The following HEXA variants were observed in gnomAD, a reference collection of about 807,000 sequenced individuals.
HEXA encodes the protein beta-hexosaminidase subunit alpha.
Under a neutral mutation model 73.3 loss-of-function variants are expected in HEXA, and 54 were observed. That is an observed-to-expected ratio of 0.74 (90% CI 0.59 to 0.92). HEXA has a LOEUF of 0.92. HEXA is among the 40% of genes least tolerant of loss of function. The pLI, the probability that HEXA is intolerant of heterozygous loss-of-function variation, is 0.00. For missense variants in HEXA, 649 were observed against 653.0 expected (o/e 0.99, Z 0.07); for synonymous variants, 230 against 246.9 (o/e 0.93, Z 0.64).
chr15:72,367,626 A>C (rs2088935112), intron 1 of HEXA, among the ~76,000 whole-genome samples: 1 of 152,194 alleles, frequency 6.6e-6, no homozygotes, highest in East Asian at 1.9e-4. Flanking sequence ...TGACCTTAGG[A>C]TAAAGCTCCA....
Position 72,350,397 on chromosome 15 carries a change from C to T in HEXA, c.805+121G>A, listed in dbSNP as rs189331330. 17 of 1,055,322 alleles carry T rather than the reference C, an allele frequency of 1.6e-5. No homozygotes were observed. In the East Asian group the frequency reaches 2.8e-4, roughly 18 times the overall value. The allele number at this position is 1,055,322 out of a possible 1,614,324, so 65.4% of individuals were successfully genotyped here. A position where few individuals can be genotyped will look rare whatever the true frequency, so the allele number is the denominator to read the frequency against. The stretch of plus-strand genomic sequence containing the variant: ...ATCTAAATTCCCAGGTGGAAGAAGT[C>T]GATGGAAAACATTCTTCTAAGGACC... On this transcript the variant is annotated intron_variant, in intron 7 of 13. Transcript: ENST00000268097.
chr15:72,356,219 G>T (rs1436527097), intron 2 of HEXA, among the ~76,000 whole-genome samples: 1 of 152,118 alleles, frequency 6.6e-6, no homozygotes, highest in South Asian at 2.1e-4. Flanking sequence ...CCAGTGTAGG[G>T]TCTATTAGAG....
chr15:72,365,530 T>C (rs2088905432), intron 1 of HEXA, among the ~76,000 whole-genome samples: 2 of 152,240 alleles, frequency 1.3e-5, no homozygotes, highest in African/African-American at 4.8e-5. Flanking sequence ...TATGACTCTT[T>C]TCCTTTACGG....
chr15:72,363,492 G>C (rs897081669), intron 1 of HEXA, among the ~76,000 whole-genome samples: 14 of 152,330 alleles, frequency 9.2e-5, no homozygotes, highest in African/African-American at 2.9e-4. Flanking sequence ...GTAGCTAGGA[G>C]AGAAGTCAAG....
chr15:72,345,760 TC>T, intron 12 of HEXA: 1 of 658,208 alleles, frequency 1.5e-6, no homozygotes, highest in Non-Finnish European at 2.7e-6. Context: ...TGGGTAGCAA[TC>T]CCACTCTCTT....
rs960869164 is a variant in HEXA, at chr15:72,347,687, T to C, written c.1145A>G (p.Lys382Arg). 1 of 1,613,846 alleles carries C rather than the reference T, an allele frequency of 6.2e-7. No individual in the cohort carries two copies. Among genetic ancestry groups the C allele is most frequent in the South Asian group, 1.1e-5 (1 of 91,078 alleles). Reference sequence around the variant, plus strand: ...CTTCTCTTCTCTGCCCCGGCTCACCTTTACTTTATTATCAAACACCTCCTG... The same window carrying C: ...CTTCTCTTCTCTGCCCCGGCTCACCCTTACTTTATTATCAAACACCTCCTG... ...VWQEVFDNKV[K>R]IQPDTIIQVW... The change falls in exon 10 of 14, where the codon AAG becomes AGG. Residue 382 changes from lysine (K) to arginine (R), a missense_variant and splice_region_variant. Coordinates refer to ENST00000268097, the MANE Select transcript of HEXA (RefSeq NM_000520.6).
chr15:72,345,589 T>C (rs748847555), intron 12 of HEXA, 39 bp from the exon 13 acceptor site: 10 of 1,611,692 alleles, frequency 6.2e-6, no homozygotes, highest in Admixed American at 1.7e-5. Flanking sequence ...GGGCCCTGTA[T>C]TCCCTGCAAA....
intron 10 of HEXA, 147 bp downstream of exon 10, chr15:72,347,539 G>T: frequency 1.4e-6 from 1 of 732,802 alleles, no homozygotes. Context: ...AGCACTCTGT[G>T]GCCTTTCTAG....
intron 5 of HEXA, among the ~76,000 whole-genome samples, chr15:72,352,796 T>C (rs2088717866): frequency 6.6e-6 from 1 of 152,152 alleles, no homozygotes; most frequent in Admixed American, 6.5e-5. Context: ...CCCAGGTAGC[T>C]GGGATTACAA....
intron 5 of HEXA, chr15:72,351,679 T>C (rs538085415): frequency 8.6e-6 from 2 of 233,588 alleles, no homozygotes; most frequent in African/African-American, 4.5e-5. Flanking sequence ...AAGCAAAGGC[T>C]GGCAGATGTG....
intron 1 of HEXA, among the ~76,000 whole-genome samples, chr15:72,366,208 A>C (rs1239059954): frequency 1.3e-5 from 2 of 152,222 alleles, no homozygotes; most frequent in Non-Finnish European, 2.9e-5. Flanking sequence ...CCACCAAGTA[A>C]TAAAACACCT....
At chr15:72,370,822 C>T (rs982154716) in intron 1 of HEXA, 1 of 391,884 alleles carries the variant, frequency 2.6e-6, no homozygotes, top group Admixed American at 4.4e-5. Context: ...TTATTTTGCC[C>T]TTCAACTAAA....
intron 11 of HEXA, 54 bp from the exon 12 acceptor site, chr15:72,346,379 C>T: frequency 2.0e-6 from 3 of 1,530,184 alleles, no homozygotes. Context: ...CTCCAGGGTC[C>T]CTCTCAACCA....
chr15:72,366,062 C>T (rs931620530), intron 1 of HEXA, among the ~76,000 whole-genome samples: 6 of 152,134 alleles, frequency 3.9e-5, no homozygotes, highest in African/African-American at 1.4e-4. Flanking sequence ...GCCTCTTCTA[C>T]TTCCTCCCTA....
intron 1 of HEXA, among the ~76,000 whole-genome samples, chr15:72,362,989 C>G (rs1173836837): frequency 6.6e-6 from 1 of 152,212 alleles, no homozygotes; most frequent in African/African-American, 2.4e-5. Flanking sequence ...CACCTTCCCA[C>G]TCTTTAATGT....
rs1414011185 is a variant in HEXA at position 72,356,520 on chromosome 15, C to T, written c.346+5G>A. On this transcript the variant is annotated splice_donor_5th_base_variant and intron_variant, in intron 2 of 13. Transcript: ENST00000268097. ...TTCTAAGACAGGGAACAGGATGGTA[C>T]TTACAATTCTCCACTGACTCCAAAG... 2 of 1,613,988 alleles carry T rather than the reference C, an allele frequency of 1.2e-6. No homozygotes were observed. Among genetic ancestry groups the T allele is most frequent in the Admixed American group, 1.7e-5 (1 of 60,020 alleles).
intron 5 of HEXA, 47 bp downstream of exon 5, chr15:72,353,021 T>A: frequency 8.7e-7 from 1 of 1,148,906 alleles, no homozygotes; most frequent in Non-Finnish European, 1.3e-6. Context: ...CGTTGCTCCA[T>A]CACCCTAGAA....
At chr15:72,370,905 G>A (rs915449188) in intron 1 of HEXA, among the ~76,000 whole-genome samples, 3 of 151,950 alleles carry the variant, frequency 2.0e-5, no homozygotes, top group Non-Finnish European at 4.4e-5. Context: ...TGTATCCCTC[G>A]TTCTCCAGAA....
Position 72,347,725 on chromosome 15 carries a change from G to GCC in HEXA, c.1105_1106dup (p.Tyr370AlafsTer13), listed in dbSNP as rs774076315. The stretch of plus-strand genomic sequence containing the variant: ...CAAACACCTCCTGCCACACCACATA[G>GCC]CCCTTGCCATAAGAAGAGACGATGT... On this transcript the variant is annotated frameshift_variant, in exon 10 of 14. Transcript: ENST00000268097. LOFTEE classifies it high-confidence loss of function. 2.5e-6 allele frequency: 4 copies of GCC among 1,614,174 alleles called. No homozygotes were observed. The highest frequency in any genetic ancestry group is 3.4e-6 in the Non-Finnish European group (4 of 1,180,018).
Sources: allele counts gnomAD v4.1 joint callset (sites outside exome capture counted in the v4.1 genomes callset), GRCh38; gene constraint gnomAD v4.1.1; transcripts MANE v1.5; gene names NCBI Gene and HGNC (gene_info 2026-07-23, HGNC 2026-07-21).